The following KIF23 variants were observed in gnomAD, a reference collection of about 807,000 sequenced individuals.
KIF23 encodes kinesin-like protein KIF23.
In KIF23, 30 loss-of-function variants were observed where a neutral mutation model predicts 137.5. That is an observed-to-expected ratio of 0.22 (90% CI 0.16 to 0.30). The LOEUF (loss-of-function observed/expected upper bound fraction) is 0.30. Among genes scored for constraint, KIF23 ranks in the 10% least tolerant of loss-of-function variants. The pLI is 1.00. For synonymous variants in KIF23, 367 were observed against 391.1 expected (o/e 0.94, Z 0.73); for missense variants, 920 against 1,194.3 (o/e 0.77, Z 3.38).
At chr15:69,414,551 C>A in intron 1 of KIF23, 75 bp downstream of exon 1, 1 of 1,428,672 alleles carries the variant, frequency 7.0e-7, no homozygotes, top group Non-Finnish European at 9.3e-7. Flanking sequence ...CAGGCGTCTC[C>A]ACTCAGGCCG....
Position 69,440,398 on chromosome 15 carries a change from G to A in KIF23, c.2020G>A (p.Glu674Lys), listed in dbSNP as rs2057587158. The change falls in exon 18 of 24, where the codon GAA becomes AAA. Residue 674 changes from glutamate to lysine, a missense_variant. This residue lies in a region of KIF23 where 714 missense variants were observed against 866.2 expected (regional missense o/e 0.82). Transcript: ENST00000679126. Reference sequence around the variant, plus strand: ...GAAACAACTGAAGGCTATTGTTACCGAACCTAAAACTGAGAAGCCAGAGAG... The same window carrying A: ...GAAACAACTGAAGGCTATTGTTACCAAACCTAAAACTGAGAAGCCAGAGAG... ...KLKQLKAIVT[E>K]PKTEKPERPS... is the part of the protein sequence containing the mutation. The A allele has an allele frequency of 1.2e-6, 2 of 1,613,974 alleles. No homozygotes were observed. Among genetic ancestry groups the A allele is most frequent in the African/African-American group, 1.3e-5 (1 of 75,020 alleles).
chr15:69,428,662 A>G (rs1208882977), intron 10 of KIF23, among the ~76,000 whole-genome samples: 1 of 10,814 alleles, frequency 9.2e-5, no homozygotes, highest in Admixed American at 9.4e-4. Context: ...CTGTCTCCCA[A>G]AAAAAAAAAA....
chr15:69,440,497 T>C lies in KIF23; in HGVS notation c.2109+10T>C. 2 of 1,597,772 alleles carry C rather than the reference T, an allele frequency of 1.3e-6. No homozygotes were observed. Among genetic ancestry groups the C allele is most frequent in the Non-Finnish European group, 1.7e-6 (2 of 1,173,152 alleles). On this transcript the variant is annotated intron_variant, in intron 18 of 23. Coordinates refer to ENST00000679126, the MANE Select transcript of KIF23 (RefSeq NM_001367805.3). ...TCCATCACCTGTGCCTGTAAGTTAT[T>C]TGTAATTGTGTAGTAACTTTGTACT...
At position 69,423,249 on chromosome 15, in the gene KIF23, A is replaced by G; in HGVS notation, c.654A>G (p.Val218=). Residue 218 remains valine, a synonymous_variant, in exon 7 of 24, where the codon GTA becomes GTG. Transcript: ENST00000679126. The stretch of plus-strand genomic sequence containing the variant: ...TTGATGAAGATAGTGTCTATGGTGT[A>G]TTTGTCTCTTATATTGAAATATATA... ...EEVDEDSVYG[V]FVSYIEIYNN... 6.3e-7 allele frequency: 1 copy of G among 1,588,472 alleles called. No individual in the cohort carries two copies. Among genetic ancestry groups the G allele is most frequent in the Non-Finnish European group, 8.6e-7 (1 of 1,160,238 alleles).
intron 3 of KIF23, 76 bp downstream of exon 3, chr15:69,417,587 C>A: frequency 1.4e-6 from 2 of 1,465,814 alleles, no homozygotes; most frequent in South Asian, 2.6e-5. Flanking sequence ...TTAGATGTAA[C>A]AAAGTTCATT....
chr15:69,445,246 T>C (rs572847649), intron 20 of KIF23, among the ~76,000 whole-genome samples: 2 of 152,314 alleles, frequency 1.3e-5, no homozygotes, highest in Non-Finnish European at 2.9e-5. Context: ...TTTAAATAGG[T>C]ATAGATTCTT....
At chr15:69,415,874 T>C (rs2056891350) in intron 1 of KIF23, 120 bp from the exon 2 acceptor site, 1 of 681,980 alleles carries the variant, frequency 1.5e-6, no homozygotes, top group African/African-American at 1.9e-5. Flanking sequence ...TGCAGTGTTT[T>C]GCAACTGCTA....
At chr15:69,427,791 T>G (rs2057239079) in intron 10 of KIF23, among the ~76,000 whole-genome samples, 1 of 152,218 alleles carries the variant, frequency 6.6e-6, no homozygotes, top group Non-Finnish European at 1.5e-5. Context: ...GATTTATAAG[T>G]GGCAGGAGTG....
rs181870540 is a variant in KIF23, at chr15:69,436,524, T to G, written c.1439-40T>G. 76 of 1,540,260 alleles carry G rather than the reference T, an allele frequency of 4.9e-5. No homozygotes were observed. In the African/African-American group the frequency reaches 9.5e-4, roughly 19 times the overall value. On this transcript the variant is annotated intron_variant, in intron 14 of 23. Coordinates refer to ENST00000679126, the MANE Select transcript of KIF23 (RefSeq NM_001367805.3). Reference sequence around the variant, plus strand: ...AACTTGTTTAAATAAGCTCTTTCTCTCCTATGTAACTTTTTGTAATTTTCT... The same window carrying G: ...AACTTGTTTAAATAAGCTCTTTCTCGCCTATGTAACTTTTTGTAATTTTCT...
chr15:69,440,630 C>T, intron 18 of KIF23, 138 bp from the exon 19 acceptor site: 3 of 1,125,868 alleles, frequency 2.7e-6, no homozygotes, highest in Non-Finnish European at 3.6e-6. Flanking sequence ...TTAGAATAAA[C>T]ACAAATTTAG....
chr15:69,446,894 A>T lies in KIF23; in HGVS notation c.2862A>T (p.Arg954Ser). The T allele has an allele frequency of 6.2e-7, 1 of 1,614,134 alleles. No homozygotes were observed. Among genetic ancestry groups the T allele is most frequent in the East Asian group, 2.2e-5 (1 of 44,888 alleles). The change falls in exon 23 of 24, where the codon AGA becomes AGT. Residue 954 changes from arginine (R) to serine (S), a missense_variant. Physicochemically the swap from Arg to Ser is moderately radical, Grantham distance 110. Transcript: ENST00000679126. ...ETRCSVAVEMRAGSQLGPGYQ... is the reference protein window; with the variant it reads ...ETRCSVAVEMSAGSQLGPGYQ... Reference sequence around the variant, plus strand: ...AGTGTTCTGTGGCTGTGGAGATGAGAGCAGGATCCCAGCTGGGACCTGGAT... The same window carrying T: ...AGTGTTCTGTGGCTGTGGAGATGAGTGCAGGATCCCAGCTGGGACCTGGAT...
In KIF23 at chr15:69,440,711, G is replaced by A. The variant is rs1596019415; in HGVS notation, c.2110-57G>A. On this transcript the variant is annotated intron_variant, in intron 18 of 23. Transcript: ENST00000679126. ...TGTGCTAACATTATAGAAAAGTAAT[G>A]AATTGTTTCTCTCAGTTTTTCAGTC... 7.8e-6 allele frequency: 11 copies of A among 1,403,918 alleles called. No individual in the cohort carries two copies. In the South Asian group the frequency reaches 8.2e-5, roughly 10 times the overall value. The allele number at this position is 1,403,918 out of a possible 1,614,324, so 87.0% of individuals were successfully genotyped here.
At chr15:69,416,160 CAT>C (rs1464484827) in intron 2 of KIF23, 97 bp downstream of exon 2, 7 of 712,782 alleles carry the variant, frequency 9.8e-6, no homozygotes, top group African/African-American at 1.9e-5. Context: ...AAGAAGAAGA[CAT>C]GTGGAAGTAT....
chr15:69,425,993 C>T (rs865946307), intron 8 of KIF23, 77 bp from the exon 9 acceptor site: 3 of 541,216 alleles, frequency 5.5e-6, no homozygotes, highest in African/African-American at 2.0e-5. Context: ...TGTCACTTGG[C>T]GTTTTAGTCC....
Position 69,426,142 on chromosome 15 carries a change from A to G in KIF23, c.849A>G (p.Glu283=). 6.2e-7 allele frequency: 1 copy of G among 1,609,366 alleles called. No homozygotes were observed. The highest frequency in any genetic ancestry group is 8.5e-7 in the Non-Finnish European group (1 of 1,179,034). Reference sequence around the variant, plus strand: ...ATGTTGCAGGATGTACAGAAGTTGAAGTGAAATCTACTGAGGAGGCTTTTG... The same window carrying G: ...ATGTTGCAGGATGTACAGAAGTTGAGGTGAAATCTACTGAGGAGGCTTTTG... ...NMYVAGCTEV[E]VKSTEEAFEV... is the part of the protein sequence containing the mutation. Residue 283 remains glutamate (E), a synonymous_variant, in exon 9 of 24, where the codon GAA becomes GAG. Coordinates refer to ENST00000679126, the MANE Select transcript of KIF23 (RefSeq NM_001367805.3).
chr15:69,418,974 G>A (rs577064803), intron 3 of KIF23, among the ~76,000 whole-genome samples: 11 of 152,010 alleles, frequency 7.2e-5, no homozygotes, highest in Non-Finnish European at 1.2e-4. Flanking sequence ...AAAATTAGCC[G>A]GGCATGATGA....
chr15:69,435,812 G>A, intron 13 of KIF23, 41 bp downstream of exon 13: 2 of 1,597,058 alleles, frequency 1.3e-6, no homozygotes, highest in Non-Finnish European at 1.7e-6. Context: ...TTGAGTTTTT[G>A]TCGGGAAAAC....
At chr15:69,443,550 G>A (rs1351462865) in intron 19 of KIF23, 1 of 151,696 alleles carries the variant, frequency 6.6e-6, no homozygotes, top group Non-Finnish European at 1.5e-5. Flanking sequence ...CATTGCCTAA[G>A]CTGGTCTCGG....
chr15:69,427,430 A>C (rs1370897578), intron 10 of KIF23: 1 of 456,048 alleles, frequency 2.2e-6, no homozygotes, highest in South Asian at 1.5e-5. Context: ...AAGTTTGCAA[A>C]TCTTTAAAAA....
Sources: gnomAD v4.1 joint callset for allele counts (sites outside exome capture counted in the v4.1 genomes callset) on GRCh38, gnomAD v4.1.1 for gene constraint, gnomAD v4.1.1 regional missense constraint, MANE v1.5 for transcripts, NCBI Gene and HGNC (gene_info 2026-07-23, HGNC 2026-07-21) for gene names.